Variants in SMIM35 observed in about 807,000 individuals in gnomAD.
SMIM35 encodes the protein TMPRSS4 antisense RNA 1 (non-protein coding).
At chr11:118,077,142 AC>A (rs1944720566) in intron 1 of SMIM35, 1 of 742,842 alleles carries the variant, frequency 1.3e-6, no homozygotes, top group African/African-American at 1.8e-5. Flanking sequence ...GGCGTGAGGG[AC>A]CAAGGCCTGC....
chr11:118,064,299 A>C (rs1323025874), intron 1 of SMIM35, among the ~76,000 whole-genome samples: 1 of 152,180 alleles, frequency 6.6e-6, no homozygotes, highest in Non-Finnish European at 1.5e-5. Flanking sequence ...TGCAAAGAAA[A>C]AATTTTAAAT....
chr11:118,082,402 G>C (rs1945204853), intron 1 of SMIM35, among the ~76,000 whole-genome samples: 1 of 151,912 alleles, frequency 6.6e-6, no homozygotes, highest in South Asian at 2.1e-4. Context: ...CTCTACTAAA[G>C]ATATAAACAT....
intron 1 of SMIM35, among the ~76,000 whole-genome samples, chr11:118,067,860 CATATATATATATAT>C (rs57497227): frequency 0.012 from 1,005 of 80,918 alleles, 21 homozygotes; most frequent in Non-Finnish European, 0.015. Context: ...CAACAACAAA[CATATATATATATAT>C]ATATATATAT....
intron 1 of SMIM35, among the ~76,000 whole-genome samples, chr11:118,073,648 T>C (rs578129659): frequency 9.9e-5 from 15 of 152,254 alleles, no homozygotes; most frequent in Admixed American, 5.9e-4. Flanking sequence ...AGCCCCCTCC[T>C]CCAGGAAGGG....
intron 1 of SMIM35, among the ~76,000 whole-genome samples, chr11:118,031,526 G>A (rs1298850229): frequency 1.3e-5 from 2 of 152,152 alleles, no homozygotes; most frequent in African/African-American, 4.8e-5. Context: ...AAGTTTTCAA[G>A]GGAAGGCGAG....
rs964269080 is a variant in SMIM35 at position 118,009,540 on chromosome 11, A to C, written c.*34-3164T>G. On this transcript the variant is annotated intron_variant, in intron 4 of 4. Transcript: ENST00000689828. ...TTGGAACCTGGTCAGACACACGCAG[A>C]GTCAAGGAAAGGCTAAGTAATGCTT... Among the ~76,000 whole-genome samples the C allele has an allele frequency of 4.6e-5, 7 of 152,162 alleles. No individual in the cohort carries two copies. In the East Asian group the frequency reaches 1.3e-3, roughly 29 times the overall value.
intron 1 of SMIM35, among the ~76,000 whole-genome samples, chr11:118,019,267 A>G (rs1272495028): frequency 1.3e-5 from 2 of 152,202 alleles, no homozygotes; most frequent in Non-Finnish European, 2.9e-5. Context: ...CCAACAAACC[A>G]TCTAAAACAA....
intron 1 of SMIM35, among the ~76,000 whole-genome samples, chr11:118,074,573 C>T (rs1226726779): frequency 6.6e-6 from 1 of 151,930 alleles, no homozygotes; most frequent in Non-Finnish European, 1.5e-5. Flanking sequence ...ATGGTGAAAC[C>T]CTGTATCTAC....
intron 2 of SMIM35, among the ~76,000 whole-genome samples, chr11:118,015,155 G>T (rs2058172940): frequency 6.6e-6 from 1 of 152,250 alleles, no homozygotes; most frequent in Non-Finnish European, 1.5e-5. Context: ...TTAAAGTTAA[G>T]TGCAGATCTA....
intron 1 of SMIM35, among the ~76,000 whole-genome samples, chr11:118,037,058 A>G (rs1325193523): frequency 2.6e-5 from 4 of 152,210 alleles, no homozygotes; most frequent in African/African-American, 7.2e-5. Flanking sequence ...AGGTAGGCTT[A>G]GGGATTCTTA....
chr11:118,079,319 A>G (rs1944948517), intron 1 of SMIM35, among the ~76,000 whole-genome samples: 1 of 151,514 alleles, frequency 6.6e-6, no homozygotes, highest in Admixed American at 6.6e-5. Flanking sequence ...TCCATTCCCT[A>G]CCTCCTTCCA....
At chr11:118,036,452 T>C (rs547095549) in intron 1 of SMIM35, among the ~76,000 whole-genome samples, 1 of 152,388 alleles carries the variant, frequency 6.6e-6, no homozygotes, top group African/African-American at 2.4e-5. Context: ...AGGTATTTTC[T>C]AAACACATCT....
At chr11:118,085,971 G>A (rs1945525692) in intron 1 of SMIM35, among the ~76,000 whole-genome samples, 1 of 152,214 alleles carries the variant, frequency 6.6e-6, no homozygotes, top group African/African-American at 2.4e-5. Flanking sequence ...CAAAGAGAAG[G>A]ATCGCAGAGG....
In SMIM35 at chr11:118,005,695, A is replaced by G. The variant is rs979388768; in HGVS notation, c.*715T>C. On this transcript the variant is annotated 3_prime_UTR_variant, in exon 5 of 5. Coordinates refer to ENST00000689828, the MANE Select transcript of SMIM35 (RefSeq NM_001394165.1). ...TACCTTCCAGATAGATGGTGAATCC[A>G]ATCACTTGTCACCACCTCCCACTGT... The G allele has an allele frequency of 6.6e-6, 1 of 152,616 alleles. No individual in the cohort carries two copies. Among genetic ancestry groups the G allele is most frequent in the South Asian group, 2.1e-4 (1 of 4,830 alleles). The allele number at this position is 152,616 out of a possible 1,614,324, so 9.5% of individuals were successfully genotyped here. A position where few individuals can be genotyped will look rare whatever the true frequency, so the allele number is the denominator to read the frequency against.
intron 1 of SMIM35, among the ~76,000 whole-genome samples, chr11:118,061,904 A>T (rs1224316983): frequency 6.6e-6 from 1 of 152,196 alleles, no homozygotes; most frequent in Non-Finnish European, 1.5e-5. Context: ...CGTGTAAGTA[A>T]CAATGCCACC....
intron 1 of SMIM35, among the ~76,000 whole-genome samples, 155 bp downstream of exon 1, chr11:118,086,596 C>T (rs973421984): frequency 2.6e-5 from 4 of 152,200 alleles, no homozygotes; most frequent in South Asian, 2.1e-4. Context: ...GTAACAGGTG[C>T]GATCCCAGGA....
At chr11:118,012,246 G>A (rs17121515) in intron 4 of SMIM35, among the ~76,000 whole-genome samples, 14,433 of 152,194 alleles carry the variant, frequency 0.095, 950 homozygotes, top group East Asian at 0.37. Context: ...GAGCCCCGAG[G>A]ACTCTGCCTC....
chr11:118,073,058 C>T (rs934190906), intron 1 of SMIM35, among the ~76,000 whole-genome samples: 3 of 152,206 alleles, frequency 2.0e-5, no homozygotes, highest in African/African-American at 7.2e-5. Flanking sequence ...GCTGGGATTA[C>T]AGGCACCCTC....
chr11:118,034,589 TG>T (rs1374327306), intron 1 of SMIM35, among the ~76,000 whole-genome samples: 6 of 152,158 alleles, frequency 3.9e-5, no homozygotes, highest in African/African-American at 1.2e-4. Context: ...CTGGGCGTGG[TG>T]GTTCACATCT....
Sources: allele counts gnomAD v4.1 joint callset (sites outside exome capture counted in the v4.1 genomes callset), GRCh38; gene constraint gnomAD v4.1.1; transcripts MANE v1.5; gene names NCBI Gene and HGNC (gene_info 2026-07-23, HGNC 2026-07-21).